The following SMOC1 variants were observed in gnomAD, a reference collection of about 807,000 sequenced individuals.
SMOC1 encodes SPARC related modular calcium binding 1.
In SMOC1, 22 loss-of-function variants were observed where a neutral mutation model predicts 56.3. The ratio of observed to expected loss-of-function variants is 0.39; its 90% CI spans 0.28 to 0.56. The LOEUF (loss-of-function observed/expected upper bound fraction) is 0.56. Ranked by LOEUF, SMOC1 falls within the 20% of genes least tolerant of loss-of-function variation. SMOC1 has a pLI of 0.61. For synonymous variants in SMOC1, 193 were observed against 215.0 expected, an observed-to-expected ratio of 0.90 and a Z score of 0.89; for missense variants, 509 against 565.4, an observed-to-expected ratio of 0.90 and a Z score of 1.01.
At chr14:69,932,825 G>C (rs757346686) in intron 1 of SMOC1, among the ~76,000 whole-genome samples, 1 of 152,072 alleles carries the variant, frequency 6.6e-6, no homozygotes, top group Non-Finnish European at 1.5e-5. Flanking sequence ...GGCAGGGCTG[G>C]AAGTATTTTG....
intron 10 of SMOC1, among the ~76,000 whole-genome samples, chr14:70,015,114 G>T (rs1285701747): frequency 6.6e-6 from 1 of 152,200 alleles, no homozygotes; most frequent in Non-Finnish European, 1.5e-5. Context: ...GTATACAGTG[G>T]AGTAATATTC....
chr14:70,029,093 G>A (rs562837065), intron 11 of SMOC1, among the ~76,000 whole-genome samples: 111 of 152,312 alleles, frequency 7.3e-4, no homozygotes, highest in African/African-American at 2.1e-3. Context: ...AGGTTCAGGG[G>A]CATGCACAGA....
At chr14:69,987,235 G>A (rs1884398602) in intron 5 of SMOC1, among the ~76,000 whole-genome samples, 1 of 152,210 alleles carries the variant, frequency 6.6e-6, no homozygotes, top group South Asian at 2.1e-4. Context: ...ATGGACAATG[G>A]CAGCCTGAAA....
chr14:69,984,680 TA>T (rs56194241), intron 5 of SMOC1, among the ~76,000 whole-genome samples: 36,013 of 127,746 alleles, frequency 0.28, 5,442 homozygotes, highest in African/African-American at 0.47. Flanking sequence ...CTATCTCTAC[TA>T]AAAAAAAAAA....
intron 5 of SMOC1, among the ~76,000 whole-genome samples, chr14:69,987,455 T>C (rs1884406163): frequency 6.6e-6 from 1 of 152,162 alleles, no homozygotes; most frequent in Non-Finnish European, 1.5e-5. Flanking sequence ...ACATTTGCTT[T>C]TGAAGGACCT....
intron 1 of SMOC1, among the ~76,000 whole-genome samples, chr14:69,904,372 G>T (rs1884350913): frequency 6.6e-6 from 1 of 152,194 alleles, no homozygotes. Context: ...TTCTCTTGCT[G>T]GTGGGATCTA....
At chr14:69,912,934 A>T (rs1050645761) in intron 1 of SMOC1, among the ~76,000 whole-genome samples, 2 of 152,182 alleles carry the variant, frequency 1.3e-5, no homozygotes, top group Non-Finnish European at 2.9e-5. Flanking sequence ...TTTATTTTTC[A>T]CTTTAAACAC....
chr14:69,916,111 C>A (rs1261325417), intron 1 of SMOC1, among the ~76,000 whole-genome samples: 2 of 152,202 alleles, frequency 1.3e-5, no homozygotes, highest in African/African-American at 4.8e-5. Context: ...ACCAAAAGCC[C>A]AGATTTTCCC....
intron 1 of SMOC1, among the ~76,000 whole-genome samples, chr14:69,923,880 C>T (rs766314996): frequency 6.6e-6 from 1 of 152,194 alleles, no homozygotes; most frequent in Non-Finnish European, 1.5e-5. Flanking sequence ...CAATGTCCTG[C>T]CTTGGCCTGA....
intron 10 of SMOC1, among the ~76,000 whole-genome samples, chr14:70,013,909 C>CT (rs1175016513): frequency 6.6e-6 from 1 of 152,166 alleles, no homozygotes; most frequent in Non-Finnish European, 1.5e-5. Flanking sequence ...AACCAAATGC[C>CT]TTTTTGGCAT....
At position 70,023,357 on chromosome 14, in the gene SMOC1, G is replaced by T. The variant is rs1437364136; in HGVS notation, c.1201G>T (p.Ala401Ser). ...GAAGAAAGCCAAGCCCAAGAAATGTGCCCGGCGTTTCACCGACTACTGTGA... is the reference window on the plus strand; with the variant it reads ...GAAGAAAGCCAAGCCCAAGAAATGTTCCCGGCGTTTCACCGACTACTGTGA... ...VKKKAKPKKC[A>S]RRFTDYCDLN... is the part of the protein sequence containing the mutation. Residue 401 changes from alanine (A) to serine (S), a missense_variant, in exon 11 of 12, where the codon GCC becomes TCC. Physicochemically the swap from Ala to Ser is moderately conservative, Grantham distance 99. Transcript: ENST00000361956. The T allele has an allele frequency of 6.2e-7, 1 of 1,614,052 alleles. No homozygotes were observed. Among genetic ancestry groups the T allele is most frequent in the African/African-American group, 1.3e-5 (1 of 74,912 alleles).
Position 69,886,222 on chromosome 14 carries a change from G to T in SMOC1, c.99+6445G>T. On this transcript the variant is annotated intron_variant, in intron 1 of 11. Transcript: ENST00000361956. ...TATTCTAACTTGTATTAATCCTCCT[G>T]CAGTGAGCATCTTAATATCAGGCCA... is the stretch of plus-strand genomic sequence containing the variant. The T allele has an allele frequency of 1.8e-5, 13 of 704,960 alleles. No individual in the cohort carries two copies. In the South Asian group the frequency reaches 2.2e-4, roughly 12 times the overall value. 43.7% of individuals were successfully genotyped at this position (704,960 alleles called of 1,614,324 possible).
chr14:70,025,709 T>C (rs973184271), intron 11 of SMOC1, among the ~76,000 whole-genome samples: 1 of 152,266 alleles, frequency 6.6e-6, no homozygotes, highest in Non-Finnish European at 1.5e-5. Flanking sequence ...AAATCCGATA[T>C]GCTCCAGTGA....
At chr14:69,954,283 A>G (rs961347470) in intron 3 of SMOC1, among the ~76,000 whole-genome samples, 1 of 152,076 alleles carries the variant, frequency 6.6e-6, no homozygotes, top group African/African-American at 2.4e-5. Flanking sequence ...GGATCAAGCA[A>G]TCCTTCCACC....
chr14:69,964,441 G>A (rs1315350688), intron 3 of SMOC1, among the ~76,000 whole-genome samples: 1 of 150,690 alleles, frequency 6.6e-6, no homozygotes, highest in Non-Finnish European at 1.5e-5. Flanking sequence ...GTAGTGGCGC[G>A]ATCTTGGCTC....
At chr14:69,888,955 G>A (rs1178181733) in intron 1 of SMOC1, among the ~76,000 whole-genome samples, 1 of 152,152 alleles carries the variant, frequency 6.6e-6, no homozygotes, top group Non-Finnish European at 1.5e-5. Context: ...GCTTAAAAAC[G>A]ATGATGCCAG....
At chr14:69,907,027 A>G (rs966660710) in intron 1 of SMOC1, among the ~76,000 whole-genome samples, 4 of 152,240 alleles carry the variant, frequency 2.6e-5, no homozygotes, top group African/African-American at 7.2e-5. Flanking sequence ...CTTGAGGGAA[A>G]TAGGAGGAGT....
chr14:69,937,453 G>A (rs1468910371), intron 1 of SMOC1, among the ~76,000 whole-genome samples: 1 of 152,190 alleles, frequency 6.6e-6, no homozygotes. Context: ...GTTTGCTTTG[G>A]TTTTCCACTG....
At chr14:69,911,546 T>C (rs1352258466) in intron 1 of SMOC1, among the ~76,000 whole-genome samples, 1 of 152,156 alleles carries the variant, frequency 6.6e-6, no homozygotes, top group Non-Finnish European at 1.5e-5. Flanking sequence ...TGACAACCAG[T>C]GGTCTGTTTT....
Sources: gnomAD v4.1 joint callset for allele counts (sites outside exome capture counted in the v4.1 genomes callset) on GRCh38, gnomAD v4.1.1 for gene constraint, MANE v1.5 for transcripts, NCBI Gene and HGNC (gene_info 2026-07-23, HGNC 2026-07-21) for gene names.